ARHGAP32: variants seen among roughly 807,000 people sequenced by gnomAD.
The protein encoded by ARHGAP32 is rho GTPase-activating protein 32.
ARHGAP32 carries 51 observed loss-of-function variants against 186.5 expected under a neutral mutation model. That is an observed-to-expected ratio of 0.27 (90% confidence interval 0.22 to 0.35). ARHGAP32 has a LOEUF of 0.35. Among genes scored for constraint, ARHGAP32 ranks in the 10% least tolerant of loss-of-function variants. ARHGAP32 has a pLI of 1.00. For missense variants in ARHGAP32, 2,186 were observed against 2,623.5 expected (o/e 0.83, Z 3.64); for synonymous variants, 950 against 964.3 (o/e 0.99, Z 0.27).
intron 1 of ARHGAP32, among the ~76,000 whole-genome samples, chr11:129,270,599 T>C (rs1945461553): frequency 6.6e-6 from 1 of 151,786 alleles, no homozygotes; most frequent in South Asian, 2.1e-4. Flanking sequence ...GCTCATCAAC[T>C]GTAACAAATA....
intron 2 of ARHGAP32, among the ~76,000 whole-genome samples, chr11:129,130,675 C>A (rs534449521): frequency 4.6e-4 from 70 of 152,114 alleles, no homozygotes; most frequent in African/African-American, 1.6e-3. Flanking sequence ...TGCACACCTG[C>A]CAAAAAGCCC....
chr11:129,138,893 G>A (rs1237097277), intron 2 of ARHGAP32, among the ~76,000 whole-genome samples: 5 of 152,178 alleles, frequency 3.3e-5, no homozygotes, highest in Non-Finnish European at 7.4e-5. Context: ...AGAGGAAACT[G>A]AGACCAAGAA....
At chr11:129,023,263 T>C (rs116466370) in intron 11 of ARHGAP32, among the ~76,000 whole-genome samples, 70 of 152,276 alleles carry the variant, frequency 4.6e-4, no homozygotes, top group African/African-American at 1.6e-3. Flanking sequence ...ATACAAAATA[T>C]TTTATGGATG....
intron 1 of ARHGAP32, among the ~76,000 whole-genome samples, chr11:129,263,633 G>A (rs1171154474): frequency 4.2e-5 from 6 of 144,080 alleles, no homozygotes; most frequent in African/African-American, 1.5e-4. Flanking sequence ...GGGGAGGGGA[G>A]AGGGAGGGGG....
chr11:129,169,910 G>C (rs1943722652), intron 1 of ARHGAP32, among the ~76,000 whole-genome samples: 1 of 151,860 alleles, frequency 6.6e-6, no homozygotes, highest in Non-Finnish European at 1.5e-5. Flanking sequence ...AAAAATAAAA[G>C]GAACACTTCC....
At chr11:129,091,206 A>T (rs1448172742) in intron 6 of ARHGAP32, among the ~76,000 whole-genome samples, 1 of 152,168 alleles carries the variant, frequency 6.6e-6, no homozygotes, top group African/African-American at 2.4e-5. Flanking sequence ...TGAGATCGGT[A>T]TAACTAGTAT....
chr11:129,079,072 A>C (rs1157828162), intron 6 of ARHGAP32, among the ~76,000 whole-genome samples: 4 of 152,170 alleles, frequency 2.6e-5, no homozygotes, highest in African/African-American at 7.2e-5. Flanking sequence ...AAAGGAAAAA[A>C]AATTAAAAAA....
intron 1 of ARHGAP32, among the ~76,000 whole-genome samples, chr11:129,174,246 T>C (rs1184669409): frequency 1.3e-5 from 2 of 152,124 alleles, no homozygotes; most frequent in African/African-American, 2.4e-5. Flanking sequence ...GCCTAAAAAA[T>C]GGCGCACCAG....
chr11:129,264,856 T>A (rs1945373476), intron 1 of ARHGAP32, among the ~76,000 whole-genome samples: 1 of 152,176 alleles, frequency 6.6e-6, no homozygotes, highest in South Asian at 2.1e-4. Context: ...AGAACCTGTA[T>A]GAGAATACTG....
intron 1 of ARHGAP32, among the ~76,000 whole-genome samples, chr11:129,236,848 C>T (rs1944943471): frequency 6.6e-6 from 1 of 152,140 alleles, no homozygotes; most frequent in Non-Finnish European, 1.5e-5. Flanking sequence ...GGAATGCTTT[C>T]AACATTTCCC....
intron 5 of ARHGAP32, among the ~76,000 whole-genome samples, chr11:129,102,748 G>A (rs563009094): frequency 5.9e-5 from 9 of 152,220 alleles, no homozygotes; most frequent in African/African-American, 1.9e-4. Context: ...TAAAACCCTT[G>A]TACATTGTTG....
intron 2 of ARHGAP32, among the ~76,000 whole-genome samples, chr11:129,132,341 A>G (rs1004419761): frequency 6.6e-6 from 1 of 152,178 alleles, no homozygotes; most frequent in East Asian, 1.9e-4. Flanking sequence ...TTAGCCAGGC[A>G]TGGTGGCATG....
rs574364272 is a variant in ARHGAP32 at position 129,191,968 on chromosome 11, C to A, written c.116+115G>T. The A allele has an allele frequency of 1.1e-3, 822 of 767,492 alleles. 2 individuals are homozygous for A. In the African/African-American group the frequency reaches 0.013, roughly 12 times the overall value. The allele number at this position is 767,492 out of a possible 1,614,324, so 47.5% of individuals were successfully genotyped here. On this transcript the variant is annotated intron_variant, in intron 1 of 22. Coordinates refer to ENST00000682385, the MANE Select transcript of ARHGAP32 (RefSeq NM_001378024.1). ...CCTGCTCCCTTGAGCTCCAAACCTTCCCCCAGAAAACAGAAAGTCTTATTG... is the reference window on the plus strand; with the variant it reads ...CCTGCTCCCTTGAGCTCCAAACCTTACCCCAGAAAACAGAAAGTCTTATTG...
chr11:129,043,369 A>AT (rs869118361), intron 10 of ARHGAP32, among the ~76,000 whole-genome samples: 1 of 123,596 alleles, frequency 8.1e-6, no homozygotes, highest in Non-Finnish European at 1.7e-5. Context: ...TTCTATGCAA[A>AT]TTTCTTTTTT....
chr11:129,229,995 T>TAA (rs1944836765), intron 1 of ARHGAP32, among the ~76,000 whole-genome samples: 1 of 152,036 alleles, frequency 6.6e-6, no homozygotes, highest in Non-Finnish European at 1.5e-5. Flanking sequence ...TTGTAATTTT[T>TAA]ATAGAGACAA....
At chr11:129,227,669 T>C (rs1944804466) in intron 1 of ARHGAP32, among the ~76,000 whole-genome samples, 1 of 152,028 alleles carries the variant, frequency 6.6e-6, no homozygotes, top group African/African-American at 2.4e-5. Context: ...AAACTGTTAC[T>C]AGAGACAAGG....
At chr11:129,169,149 T>C (rs1943700173) in intron 1 of ARHGAP32, among the ~76,000 whole-genome samples, 2 of 152,014 alleles carry the variant, frequency 1.3e-5, no homozygotes, top group Admixed American at 1.3e-4. Context: ...TTTAAAAATG[T>C]TTAAATAACA....
chr11:129,158,548 C>G (rs1258245390), intron 2 of ARHGAP32, among the ~76,000 whole-genome samples: 1 of 152,126 alleles, frequency 6.6e-6, no homozygotes, highest in Non-Finnish European at 1.5e-5. Flanking sequence ...CAGGAGCACT[C>G]AGATGCATAG....
intron 5 of ARHGAP32, among the ~76,000 whole-genome samples, chr11:129,111,361 G>C (rs565896925): frequency 1.3e-5 from 2 of 152,146 alleles, no homozygotes; most frequent in South Asian, 2.1e-4. Context: ...ATGTTTATCA[G>C]GGATATTGAT....
Sources: allele counts gnomAD v4.1 joint callset (sites outside exome capture counted in the v4.1 genomes callset), GRCh38; gene constraint gnomAD v4.1.1; transcripts MANE v1.5; gene names NCBI Gene and HGNC (gene_info 2026-07-23, HGNC 2026-07-21).